Variants in UBE2E1 observed in about 807,000 individuals in gnomAD.
The protein encoded by UBE2E1 is ubiquitin conjugating enzyme E2 E1.
UBE2E1 carries 6 observed loss-of-function variants against 21.4 expected under a neutral mutation model. That is an observed-to-expected ratio of 0.28 (90% CI 0.15 to 0.55). The LOEUF (loss-of-function observed/expected upper bound fraction) is 0.55. Among genes scored for constraint, UBE2E1 ranks in the 20% least tolerant of loss-of-function variants. UBE2E1 has a pLI of 0.93. For synonymous variants in UBE2E1, 87 were observed against 82.7 expected (o/e 1.05, Z -0.28); for missense variants, 142 against 236.5 (o/e 0.60, Z 2.62).
chr3:23,883,508 T>C (rs539304000), intron 3 of UBE2E1, among the ~76,000 whole-genome samples: 121 of 152,224 alleles, frequency 7.9e-4, no homozygotes, highest in Non-Finnish European at 1.4e-3. Context: ...AGGAAACAAA[T>C]AAAATTGTAC....
At chr3:23,856,886 C>G (rs1438908121) in intron 3 of UBE2E1, among the ~76,000 whole-genome samples, 2 of 151,710 alleles carry the variant, frequency 1.3e-5, no homozygotes, top group African/African-American at 4.8e-5. Context: ...CTCAATAATC[C>G]TAGCAGTTTG....
At chr3:23,817,644 T>A (rs1013300314) in intron 3 of UBE2E1, among the ~76,000 whole-genome samples, 14 of 152,020 alleles carry the variant, frequency 9.2e-5, no homozygotes, top group African/African-American at 3.1e-4. Context: ...TACTTAGTGA[T>A]CTGGGAAGGC....
In UBE2E1 at chr3:23,808,478, A is replaced by G. The variant is rs370206997; in HGVS notation, c.152+1057A>G. Among the ~76,000 whole-genome samples, 1 of 152,220 alleles carries G rather than the reference A, an allele frequency of 6.6e-6. No homozygotes were observed. The highest frequency in any genetic ancestry group is 1.5e-5 in the Non-Finnish European group (1 of 68,026). On this transcript the variant is annotated intron_variant, in intron 2 of 5. Transcript: ENST00000306627. This position sits in a 1 kb window ranked among gnomAD's most constrained non-coding sequence, Gnocchi z 4.9. ...TACCCTTCTTAAAAATTTTTAAAATAAAGTAGAACATGAGACTTTAGATCT... is the reference window on the plus strand; with the variant it reads ...TACCCTTCTTAAAAATTTTTAAAATGAAGTAGAACATGAGACTTTAGATCT...
At chr3:23,879,366 A>G (rs1700985644) in intron 3 of UBE2E1, 1 of 574,972 alleles carries the variant, frequency 1.7e-6, no homozygotes, top group Non-Finnish European at 3.2e-6. Flanking sequence ...AGTATTTACA[A>G]ATTCATGAGC....
chr3:23,879,396 T>G (rs1700986211), intron 3 of UBE2E1: 1 of 522,632 alleles, frequency 1.9e-6, no homozygotes. Context: ...TATAAGACAG[T>G]TGTCTTGCTA....
chr3:23,861,814 GC>G (rs1700563713), intron 3 of UBE2E1, among the ~76,000 whole-genome samples: 1 of 152,182 alleles, frequency 6.6e-6, no homozygotes, highest in Non-Finnish European at 1.5e-5. Flanking sequence ...CCTTCTGGCT[GC>G]CCCATCTGCT....
At position 23,847,822 on chromosome 3, in the gene UBE2E1, C is replaced by T. The variant is rs1700239682; in HGVS notation, c.203+36312C>T. 1.3e-5 allele frequency among the ~76,000 whole-genome samples: 2 copies of T among 152,058 alleles called. 1 individual carries two copies. The highest frequency in any genetic ancestry group is 4.1e-4 in the South Asian group (2 of 4,828). ...AAAATTGTTATTTGGAAATAATGCA[C>T]GTGATAGACAACTCAAAACAGTAGA... On this transcript the variant is annotated intron_variant, in intron 3 of 5. Transcript: ENST00000306627.
intron 3 of UBE2E1, among the ~76,000 whole-genome samples, chr3:23,879,682 G>A (rs548864034): frequency 1.3e-3 from 197 of 152,316 alleles, no homozygotes; most frequent in African/African-American, 4.4e-3. Flanking sequence ...GGGCCGCGGC[G>A]GAGGACAGGG....
chr3:23,821,342 A>G (rs1328700804), intron 3 of UBE2E1, among the ~76,000 whole-genome samples: 1 of 152,272 alleles, frequency 6.6e-6, no homozygotes, highest in Non-Finnish European at 1.5e-5. Context: ...GAAAAGTACC[A>G]GAAGACATCT....
intron 3 of UBE2E1, among the ~76,000 whole-genome samples, chr3:23,844,646 C>G (rs1700159846): frequency 6.6e-6 from 1 of 152,174 alleles, no homozygotes; most frequent in Non-Finnish European, 1.5e-5. Flanking sequence ...GTACTCATCT[C>G]CATGCCCACC....
intron 3 of UBE2E1, among the ~76,000 whole-genome samples, chr3:23,827,296 A>G (rs902806328): frequency 2.0e-5 from 3 of 152,212 alleles, no homozygotes; most frequent in Non-Finnish European, 4.4e-5. Context: ...GTGTTCATTC[A>G]CTTTATACAG....
rs1700143681 is a variant in UBE2E1, at chr3:23,843,962, G to A, written c.203+32452G>A. On this transcript the variant is annotated intron_variant, in intron 3 of 5. Transcript: ENST00000306627. ...ATATTGCCATCTTTATCCTGCAGTT[G>A]TACTGACTTAACGATATCTTCTTGA... is the stretch of plus-strand genomic sequence containing the variant. 2.0e-5 allele frequency among the ~76,000 whole-genome samples: 3 copies of A among 152,098 alleles called. No homozygotes were observed. In the South Asian group the frequency reaches 6.2e-4, roughly 32 times the overall value.
At position 23,863,199 on chromosome 3, in the gene UBE2E1, CT is replaced by C. The variant is rs1700590961; in HGVS notation, c.204-24366del. Reference sequence around the variant, plus strand: ...TATATTTCAGTTTTTACCAATAACTCTTGATTCATGACAATGGATGATGACA... The same window carrying C: ...TATATTTCAGTTTTTACCAATAACTCTGATTCATGACAATGGATGATGACA... On this transcript the variant is annotated intron_variant, in intron 3 of 5. Transcript: ENST00000306627. The surrounding 1 kb of genome is among the most constrained non-coding windows in gnomAD (Gnocchi z 4.3). Among the ~76,000 whole-genome samples, 1 of 152,054 alleles carries C rather than the reference CT, an allele frequency of 6.6e-6. No individual in the cohort carries two copies. Among genetic ancestry groups the C allele is most frequent in the African/African-American group, 2.4e-5 (1 of 41,420 alleles).
At position 23,863,329 on chromosome 3, in the gene UBE2E1, T is replaced by C. The variant is rs940285669; in HGVS notation, c.204-24238T>C. Among the ~76,000 whole-genome samples, 1 of 152,068 alleles carries C rather than the reference T, an allele frequency of 6.6e-6. No individual in the cohort carries two copies. Among genetic ancestry groups the C allele is most frequent in the Non-Finnish European group, 1.5e-5 (1 of 68,036 alleles). ...TTATATTATGTGAGCATTATTCACA[T>C]GTGGTTACTTTTCCTTCCTTGCTTG... On this transcript the variant is annotated intron_variant, in intron 3 of 5. Coordinates refer to ENST00000306627, the MANE Select transcript of UBE2E1 (RefSeq NM_003341.5). This position sits in a 1 kb window ranked among gnomAD's most constrained non-coding sequence, Gnocchi z 4.3.
At chr3:23,871,390 C>T (rs1171204048) in intron 3 of UBE2E1, among the ~76,000 whole-genome samples, 2 of 147,950 alleles carry the variant, frequency 1.4e-5, no homozygotes, top group Admixed American at 6.6e-5. Flanking sequence ...GGGGGCTGAC[C>T]CCCCCACACC....
In UBE2E1 at chr3:23,887,106, A is replaced by G. The variant is rs2125330729; in HGVS notation, c.204-461A>G. The stretch of plus-strand genomic sequence containing the variant: ...ATAAACCATCTATTAGATTCTTTTA[A>G]AGGTGAGATTATGGAGATAGAAGAG... On this transcript the variant is annotated intron_variant, in intron 3 of 5. Transcript: ENST00000306627. This position sits in a 1 kb window ranked among gnomAD's most constrained non-coding sequence, Gnocchi z 4.4. Among the ~76,000 whole-genome samples, 1 of 152,326 alleles carries G rather than the reference A, an allele frequency of 6.6e-6. No individual in the cohort carries two copies. Among genetic ancestry groups the G allele is most frequent in the South Asian group, 2.1e-4 (1 of 4,826 alleles).
chr3:23,836,215 TAATAGG>T lies in UBE2E1; in HGVS notation c.203+24710_203+24715del. Among the ~76,000 whole-genome samples, 1 of 152,352 alleles carries T rather than the reference TAATAGG, an allele frequency of 6.6e-6. No homozygotes were observed. The highest frequency in any genetic ancestry group is 1.9e-4 in the East Asian group (1 of 5,194). ...ACAAGAGAGTTTTTATAACTAAAGTTAATAGGAATATCTAAAATGAATATCCAGCTA... is the reference window on the plus strand; with the variant it reads ...ACAAGAGAGTTTTTATAACTAAAGTTAATATCTAAAATGAATATCCAGCTA... On this transcript the variant is annotated intron_variant, in intron 3 of 5. Coordinates refer to ENST00000306627, the MANE Select transcript of UBE2E1 (RefSeq NM_003341.5). The surrounding 1 kb of genome is among the most constrained non-coding windows in gnomAD (Gnocchi z 4.1).
intron 3 of UBE2E1, among the ~76,000 whole-genome samples, chr3:23,884,166 TTTC>T (rs754485232): frequency 2.5e-4 from 38 of 151,228 alleles, no homozygotes; most frequent in African/African-American, 7.4e-4. Flanking sequence ...TTGTACTTGA[TTTC>T]TTTTCTGTTT....
In UBE2E1 at chr3:23,823,036, G is replaced by A. The variant is rs2125288252; in HGVS notation, c.203+11526G>A. The stretch of plus-strand genomic sequence containing the variant: ...TAATTTTTGTATTTTTAGTGGAGAT[G>A]GGGTTTCACCATGTTGGCCAGGCTA... On this transcript the variant is annotated intron_variant, in intron 3 of 5. Coordinates refer to ENST00000306627, the MANE Select transcript of UBE2E1 (RefSeq NM_003341.5). The surrounding 1 kb of genome is among the most constrained non-coding windows in gnomAD (Gnocchi z 4.2). Among the ~76,000 whole-genome samples, 1 of 152,174 alleles carries A rather than the reference G, an allele frequency of 6.6e-6. No homozygotes were observed. The highest frequency in any genetic ancestry group is 2.4e-5 in the African/African-American group (1 of 41,514).
Sources: gnomAD v4.1 joint callset for allele counts (sites outside exome capture counted in the v4.1 genomes callset) on GRCh38, gnomAD v4.1.1 for gene constraint, Gnocchi (gnomAD v3.1) non-coding constraint, MANE v1.5 for transcripts, NCBI Gene and HGNC (gene_info 2026-07-23, HGNC 2026-07-21) for gene names.